NMNAT2: variants seen among roughly 807,000 people sequenced by gnomAD.
NMNAT2 encodes the protein nicotinamide nucleotide adenylyltransferase 2.
Under a neutral mutation model 41.6 loss-of-function variants are expected in NMNAT2, and 11 were observed. The observed-to-expected ratio is 0.26, with a 90% CI of 0.17 to 0.44. NMNAT2 has a LOEUF of 0.44. Ranked by LOEUF, NMNAT2 falls within the 20% of genes least tolerant of loss-of-function variation. NMNAT2 has a pLI of 1.00. For synonymous variants in NMNAT2, 148 were observed against 151.2 expected (o/e 0.98, Z 0.16); for missense variants, 288 against 407.7 (o/e 0.71, Z 2.53).
In NMNAT2 at chr1:183,417,900, AC is replaced by A. The variant is rs1649300225; in HGVS notation, c.85+282del. Among the ~76,000 whole-genome samples, 10 of 151,084 alleles carry A rather than the reference AC, an allele frequency of 6.6e-5. No individual in the cohort carries two copies. In the South Asian group the frequency reaches 2.1e-3, roughly 32 times the overall value. On this transcript the variant is annotated intron_variant, in intron 1 of 10. Transcript: ENST00000287713. ...CCACACTCCAGTTCTGGTATCTCGA[AC>A]CCCTGCCCAGCCCCAAATGATACTC...
At chr1:183,361,561 A>G (rs1663307137) in intron 1 of NMNAT2, among the ~76,000 whole-genome samples, 2 of 151,576 alleles carry the variant, frequency 1.3e-5, no homozygotes, top group African/African-American at 4.8e-5. Context: ...ATATTTTTAA[A>G]TAAATGAACA....
chr1:183,278,435 T>G (rs1310089220), intron 8 of NMNAT2, 118 bp downstream of exon 8: 1 of 668,568 alleles, frequency 1.5e-6, no homozygotes, highest in Non-Finnish European at 2.7e-6. Context: ...CATAGTGATG[T>G]GAACGGACTG....
At chr1:183,364,965 A>C (rs984320094) in intron 1 of NMNAT2, among the ~76,000 whole-genome samples, 2 of 152,096 alleles carry the variant, frequency 1.3e-5, no homozygotes, top group Non-Finnish European at 2.9e-5. Context: ...TGTCCCCCAG[A>C]ATCAGACGAG....
chr1:183,285,277 T>C (rs1270246817), intron 5 of NMNAT2, among the ~76,000 whole-genome samples: 1 of 152,178 alleles, frequency 6.6e-6, no homozygotes, highest in Non-Finnish European at 1.5e-5. Flanking sequence ...ATCATGAACA[T>C]TTCTTCCCCA....
intron 1 of NMNAT2, among the ~76,000 whole-genome samples, chr1:183,352,443 A>G (rs1663082118): frequency 6.6e-6 from 1 of 151,828 alleles, no homozygotes; most frequent in African/African-American, 2.4e-5. Context: ...TGCGCCTGCA[A>G]TCCCAACTAC....
At chr1:183,301,866 C>T (rs1046862999) in intron 1 of NMNAT2, among the ~76,000 whole-genome samples, 8 of 152,316 alleles carry the variant, frequency 5.3e-5, no homozygotes, top group African/African-American at 1.9e-4. Flanking sequence ...GTGTTTCTTC[C>T]ACCGTGGTCA....
chr1:183,386,180 T>C (rs1332831391), intron 1 of NMNAT2, among the ~76,000 whole-genome samples: 1 of 152,182 alleles, frequency 6.6e-6, no homozygotes, highest in Non-Finnish European at 1.5e-5. Context: ...ACAAAAATTA[T>C]ATCCACTTCG....
intron 8 of NMNAT2, chr1:183,266,550 G>A (rs752951013): frequency 1.4e-4 from 22 of 153,286 alleles, no homozygotes; most frequent in Admixed American, 9.1e-4. Context: ...GAGCCAAGAA[G>A]TGAGTGCTTG....
intron 1 of NMNAT2, among the ~76,000 whole-genome samples, chr1:183,394,443 A>G (rs915033705): frequency 6.6e-6 from 1 of 152,240 alleles, no homozygotes; most frequent in Non-Finnish European, 1.5e-5. Flanking sequence ...GAAAGTATCC[A>G]ATAAGCAAAT....
chr1:183,312,569 T>TAAA, intron 1 of NMNAT2, among the ~76,000 whole-genome samples: 1 of 149,204 alleles, frequency 6.7e-6, no homozygotes, highest in East Asian at 1.9e-4. Flanking sequence ...TTACAGTTCC[T>TAAA]AAAAAAAAAA....
chr1:183,407,388 T>G (rs1648987291), intron 1 of NMNAT2, among the ~76,000 whole-genome samples: 1 of 152,220 alleles, frequency 6.6e-6, no homozygotes, highest in Non-Finnish European at 1.5e-5. Context: ...CCTGTTTTTT[T>G]TGGTTCTGTC....
intron 1 of NMNAT2, among the ~76,000 whole-genome samples, chr1:183,366,662 T>C (rs1477340818): frequency 6.6e-6 from 1 of 152,108 alleles, no homozygotes; most frequent in African/African-American, 2.4e-5. Flanking sequence ...AGGAGTCTGA[T>C]GTGGGTGCAG....
intron 1 of NMNAT2, among the ~76,000 whole-genome samples, chr1:183,348,361 G>A (rs1662977161): frequency 6.6e-6 from 1 of 152,208 alleles, no homozygotes; most frequent in Non-Finnish European, 1.5e-5. Context: ...GGAATGCTGA[G>A]TGAGTTGCTA....
chr1:183,298,128 C>T (rs1416377710), intron 1 of NMNAT2, among the ~76,000 whole-genome samples: 1 of 152,050 alleles, frequency 6.6e-6, no homozygotes, highest in Non-Finnish European at 1.5e-5. Context: ...ATGCTTTCTC[C>T]CTAAAATGAA....
In NMNAT2 at chr1:183,372,942, T is replaced by C. The variant is rs1196182599; in HGVS notation, c.85+45241A>G. On this transcript the variant is annotated intron_variant, in intron 1 of 10. Coordinates refer to ENST00000287713, the MANE Select transcript of NMNAT2 (RefSeq NM_015039.4). ...TTCTCCATGGATTCTTCTTGTGAAT[T>C]GGAGGGGCCAAGTGTCTTTCATCTT... 2.0e-5 allele frequency among the ~76,000 whole-genome samples: 3 copies of C among 152,328 alleles called. No homozygotes were observed. The East Asian group carries it at 5.8e-4, about 29-fold the overall frequency.
intron 1 of NMNAT2, among the ~76,000 whole-genome samples, chr1:183,358,171 GA>G (rs1248734174): frequency 6.6e-6 from 1 of 152,126 alleles, no homozygotes; most frequent in Non-Finnish European, 1.5e-5. Context: ...TGCAGAAACA[GA>G]AAACCAAAAA....
chr1:183,304,916 C>T (rs201773167), intron 1 of NMNAT2: 27 of 1,399,280 alleles, frequency 1.9e-5, no homozygotes, highest in Non-Finnish European at 2.3e-5. Context: ...ATGACCCTCC[C>T]TTCCATAACT....
In NMNAT2 at chr1:183,252,181, C is replaced by T. The variant is rs894237176; in HGVS notation, c.*460G>A. 1 of 158,846 alleles carries T rather than the reference C, an allele frequency of 6.3e-6. No individual in the cohort carries two copies. The highest frequency in any genetic ancestry group is 1.4e-5 in the Non-Finnish European group (1 of 72,548). 9.8% of individuals were successfully genotyped at this position (158,846 alleles called of 1,614,324 possible). Reference sequence around the variant, plus strand: ...ACAAAAGAAAGAAAAGAAAAATAGCCCTTTGTAGTAAAGGGCATGCTGGGA... The same window carrying T: ...ACAAAAGAAAGAAAAGAAAAATAGCTCTTTGTAGTAAAGGGCATGCTGGGA... On this transcript the variant is annotated 3_prime_UTR_variant, in exon 11 of 11. Coordinates refer to ENST00000287713, the MANE Select transcript of NMNAT2 (RefSeq NM_015039.4).
intron 1 of NMNAT2, among the ~76,000 whole-genome samples, chr1:183,298,630 A>G (rs1452236402): frequency 6.6e-6 from 1 of 152,210 alleles, no homozygotes; most frequent in East Asian, 1.9e-4. Flanking sequence ...TATGCACTGT[A>G]TCTATGTTGC....
Sources: allele counts gnomAD v4.1 joint callset (sites outside exome capture counted in the v4.1 genomes callset), GRCh38; gene constraint gnomAD v4.1.1; transcripts MANE v1.5; gene names NCBI Gene and HGNC (gene_info 2026-07-23, HGNC 2026-07-21).